Variants in KYNU observed in about 807,000 individuals in gnomAD.
KYNU encodes the protein L-kynurenine hydrolase.
Under a neutral mutation model 59.2 loss-of-function variants are expected in KYNU, and 54 were observed. The observed-to-expected ratio is 0.91, with a 90% CI of 0.73 to 1.14. KYNU has a LOEUF of 1.14. KYNU is among the 50% of genes most tolerant of loss of function. The pLI is 0.00. For missense variants in KYNU, 567 were observed against 554.4 expected (o/e 1.02, Z -0.23); for synonymous variants, 177 against 192.0 (o/e 0.92, Z 0.65).
chr2:142,907,746 T>A (rs913452159), intron 2 of KYNU, among the ~76,000 whole-genome samples: 13 of 152,232 alleles, frequency 8.5e-5, no homozygotes, highest in African/African-American at 2.9e-4. Flanking sequence ...TCTTTTAGCC[T>A]AATTTGTATT....
At chr2:142,982,282 C>A (rs958918322) in intron 8 of KYNU, among the ~76,000 whole-genome samples, 1 of 152,026 alleles carries the variant, frequency 6.6e-6, no homozygotes, top group African/African-American at 2.4e-5. Context: ...AGTTCTATCA[C>A]CTGCATTTAG....
At chr2:142,979,503 C>T (rs1573865044) in intron 8 of KYNU, among the ~76,000 whole-genome samples, 1 of 152,066 alleles carries the variant, frequency 6.6e-6, no homozygotes, top group East Asian at 1.9e-4. Context: ...AATCTTCACT[C>T]AAAGTTATCT....
At chr2:142,933,131 T>C (rs1048286026) in intron 4 of KYNU, among the ~76,000 whole-genome samples, 15 of 152,176 alleles carry the variant, frequency 9.9e-5, no homozygotes, top group Non-Finnish European at 2.9e-5. Flanking sequence ...TTTTAGGCTT[T>C]TAAGGGTTAG....
intron 10 of KYNU, among the ~76,000 whole-genome samples, chr2:143,028,775 A>C (rs1686652898): frequency 6.6e-6 from 1 of 151,908 alleles, no homozygotes. Context: ...TTGAACCCGG[A>C]AGGCGGAGGT....
At chr2:143,022,918 AACTTG>A (rs1355945774) in intron 10 of KYNU, among the ~76,000 whole-genome samples, 1 of 151,900 alleles carries the variant, frequency 6.6e-6, no homozygotes, top group African/African-American at 2.4e-5. Flanking sequence ...CACCACAACA[AACTTG>A]ACTTATGTAT....
chr2:142,923,042 A>G (rs577464951), intron 3 of KYNU, among the ~76,000 whole-genome samples: 1 of 152,188 alleles, frequency 6.6e-6, no homozygotes, highest in Non-Finnish European at 1.5e-5. Flanking sequence ...CCTGTTTTAC[A>G]AGGGTACTAA....
Position 143,006,153 on chromosome 2 carries a change from T to C in KYNU, c.902+20132T>C, listed in dbSNP as rs563181811. Among the ~76,000 whole-genome samples the C allele has an allele frequency of 1.8e-4, 27 of 152,106 alleles. No individual in the cohort carries two copies. In the South Asian group the frequency reaches 3.7e-3, roughly 21 times the overall value. On this transcript the variant is annotated intron_variant, in intron 10 of 13. Transcript: ENST00000264170. ...ATTTCCATCTGAGGTACCGGGTTCATCTCACTAGGGAGTGCCAGACAGTGG... is the reference window on the plus strand; with the variant it reads ...ATTTCCATCTGAGGTACCGGGTTCACCTCACTAGGGAGTGCCAGACAGTGG...
At chr2:142,887,557 A>G (rs1189326034) in intron 2 of KYNU, among the ~76,000 whole-genome samples, 2 of 152,208 alleles carry the variant, frequency 1.3e-5, no homozygotes, top group Non-Finnish European at 2.9e-5. Flanking sequence ...ACCCATCATC[A>G]ATAGATATGA....
chr2:142,955,638 GTAA>G (rs1684136504), intron 5 of KYNU, among the ~76,000 whole-genome samples: 1 of 152,044 alleles, frequency 6.6e-6, no homozygotes, highest in Non-Finnish European at 1.5e-5. Context: ...AGAATTAAAT[GTAA>G]TAATATGTGA....
At chr2:143,041,574 A>T (rs1459967153) in intron 13 of KYNU, among the ~76,000 whole-genome samples, 1 of 151,994 alleles carries the variant, frequency 6.6e-6, no homozygotes, top group Non-Finnish European at 1.5e-5. Context: ...AGGCATGTCA[A>T]ATTATCTGGT....
In KYNU at chr2:143,055,183, C is replaced by T. The variant is rs906095148; in HGVS notation, c.*13011C>T. Reference sequence around the variant, plus strand: ...AAAAAACATAGTGACTGAAAATAACCCACATTTATTATCTTACAGTTCCAT... The same window carrying T: ...AAAAAACATAGTGACTGAAAATAACTCACATTTATTATCTTACAGTTCCAT... On this transcript the variant is annotated 3_prime_UTR_variant, in exon 14 of 14. Transcript: ENST00000264170. The T allele has an allele frequency of 6.6e-6, 1 of 152,096 alleles. No individual in the cohort carries two copies. The highest frequency in any genetic ancestry group is 2.1e-4 in the South Asian group (1 of 4,836). The allele number at this position is 152,096 out of a possible 1,614,324, so 9.4% of individuals were successfully genotyped here.
At position 143,020,060 on chromosome 2, in the gene KYNU, A is replaced by T. The variant is rs186261115; in HGVS notation, c.903-9567A>T. Among the ~76,000 whole-genome samples, 40 of 151,664 alleles carry T rather than the reference A, an allele frequency of 2.6e-4. 1 individual carries two copies. The highest frequency in any genetic ancestry group is 8.9e-4 in the African/African-American group (37 of 41,386). The stretch of plus-strand genomic sequence containing the variant: ...AAGTTTGCCAATTTTGTTTATCTTT[A>T]AAAAAACCACAGCATTTAGTTTTGT... On this transcript the variant is annotated intron_variant, in intron 10 of 13. Transcript: ENST00000264170.
intron 4 of KYNU, chr2:142,947,067 T>G (rs752166166): frequency 1.7e-5 from 27 of 1,550,718 alleles, no homozygotes; most frequent in Non-Finnish European, 2.2e-5. Flanking sequence ...GCAACTCCTG[T>G]GACTAATGTC....
intron 10 of KYNU, among the ~76,000 whole-genome samples, chr2:143,015,610 G>A (rs1365472281): frequency 6.6e-6 from 1 of 152,000 alleles, no homozygotes; most frequent in African/African-American, 2.4e-5. Context: ...TTATGTTTAT[G>A]TGAATGACAT....
chr2:142,932,616 A>G (rs1683260445), intron 4 of KYNU, among the ~76,000 whole-genome samples: 2 of 152,026 alleles, frequency 1.3e-5, no homozygotes, highest in Admixed American at 6.6e-5. Context: ...TGACTGTACT[A>G]TATGGAACGT....
chr2:142,950,242 A>G (rs866420545), intron 4 of KYNU, among the ~76,000 whole-genome samples: 1 of 151,802 alleles, frequency 6.6e-6, no homozygotes, highest in Non-Finnish European at 1.5e-5. Flanking sequence ...AACCATTCCA[A>G]CCTCTGCATG....
intron 10 of KYNU, among the ~76,000 whole-genome samples, chr2:143,021,444 T>C (rs768214235): frequency 6.6e-6 from 1 of 152,184 alleles, no homozygotes; most frequent in African/African-American, 2.4e-5. Context: ...AAGAAATACC[T>C]GGTACTGGGT....
intron 2 of KYNU, among the ~76,000 whole-genome samples, chr2:142,902,266 C>T (rs1341133052): frequency 1.3e-5 from 2 of 152,164 alleles, no homozygotes; most frequent in Non-Finnish European, 2.9e-5. Flanking sequence ...GTCCCTTGAA[C>T]CTGTGTAAGG....
intron 10 of KYNU, among the ~76,000 whole-genome samples, chr2:143,001,476 A>T (rs1234820477): frequency 1.3e-5 from 2 of 152,224 alleles, no homozygotes; most frequent in African/African-American, 2.4e-5. Context: ...ATAGATATAG[A>T]GCCCTTAGTA....
Sources: gnomAD v4.1 joint callset for allele counts (sites outside exome capture counted in the v4.1 genomes callset) on GRCh38, gnomAD v4.1.1 for gene constraint, MANE v1.5 for transcripts, NCBI Gene and HGNC (gene_info 2026-07-23, HGNC 2026-07-21) for gene names.